PI4KB: variants seen among roughly 807,000 people sequenced by gnomAD.
PI4KB encodes PtdIns 4-kinase beta.
A neutral mutation model predicts 81.4 loss-of-function variants in PI4KB; 23 were observed. The ratio of observed to expected loss-of-function variants is 0.28; its 90% confidence interval spans 0.20 to 0.40. The LOEUF is 0.40. Among genes scored for constraint, PI4KB ranks in the 10% least tolerant of loss-of-function variants. The probability of loss-of-function intolerance (pLI) is 1.00; values close to 1 mark genes in which losing one functional copy is unlikely to be tolerated. For missense variants in PI4KB, 651 were observed against 1,036.6 expected (o/e 0.63, Z 5.11); for synonymous variants, 381 against 406.8 (o/e 0.94, Z 0.76).
intron 4 of PI4KB, 69 bp from the exon 5 acceptor site, chr1:151,306,432 G>T: frequency 1.0e-6 from 1 of 988,154 alleles, no homozygotes; most frequent in Non-Finnish European, 1.6e-6. Context: ...AACTCTGTTA[G>T]CAAGGTTCTT....
intron 1 of PI4KB, among the ~76,000 whole-genome samples, chr1:151,326,910 T>TGGGGCA (rs1297998410): frequency 2.0e-5 from 3 of 151,944 alleles, no homozygotes; most frequent in African/African-American, 4.8e-5. Context: ...GGAAAAGGTT[T>TGGGGCA]GGGGCAGGGG....
intron 1 of PI4KB, among the ~76,000 whole-genome samples, chr1:151,322,214 G>C (rs1648955053): frequency 1.3e-5 from 2 of 152,150 alleles, no homozygotes; most frequent in African/African-American, 4.8e-5. Flanking sequence ...GAGTTCCACA[G>C]CTCCCAACTG....
chr1:151,315,666 G>T lies in PI4KB; in HGVS notation c.816C>A (p.His272Gln). 6.2e-7 allele frequency: 1 copy of T among 1,614,090 alleles called. No individual in the cohort carries two copies. The highest frequency in any genetic ancestry group is 8.5e-7 in the Non-Finnish European group (1 of 1,179,978). The stretch of plus-strand genomic sequence containing the variant: ...CAGTGGCATCTGACTTAGAGCGCTG[G>T]TGAGTCCTTTTGGAGGGAGACAGCC... ...DTGLSPSKRTHQRSKSDATAS... is the reference protein window; with the variant it reads ...DTGLSPSKRTQQRSKSDATAS... Residue 272 changes from histidine to glutamine, a missense_variant, in exon 2 of 12, where the codon CAC becomes CAA. This residue lies in a region of PI4KB where 314 missense variants were observed against 397.8 expected (regional missense o/e 0.79). Transcript: ENST00000368873.
In PI4KB at chr1:151,315,966, C is replaced by A; in HGVS notation, c.516G>T (p.Val172=). ...NRLFCFRNED[V]DFYLPQLLNM... Reference sequence around the variant, plus strand: ...TAAGCAACTGGGGCAGATAGAAGTCCACGTCCTCGTTGCGAAAGCAGAAGA... The same window carrying A: ...TAAGCAACTGGGGCAGATAGAAGTCAACGTCCTCGTTGCGAAAGCAGAAGA... The change falls in exon 2 of 12, where the codon GTG becomes GTT. Residue 172 remains valine (V), a synonymous_variant. Transcript: ENST00000368873. The A allele has an allele frequency of 6.2e-7, 1 of 1,612,920 alleles. No homozygotes were observed. The highest frequency in any genetic ancestry group is 8.5e-7 in the Non-Finnish European group (1 of 1,179,090).
intron 2 of PI4KB, among the ~76,000 whole-genome samples, chr1:151,315,123 C>T (rs1393670993): frequency 8.5e-5 from 13 of 152,134 alleles, no homozygotes; most frequent in South Asian, 4.1e-4. Context: ...GGATTACACG[C>T]GCCCACCACC....
chr1:151,315,954 C>A lies in PI4KB; in HGVS notation c.528G>T (p.Leu176=), dbSNP rs370787419. The change falls in exon 2 of 12, where the codon CTG becomes CTT. Residue 176 remains leucine, a synonymous_variant. Transcript: ENST00000368873. The part of the protein sequence containing the change: ...CFRNEDVDFY[L]PQLLNMYIHM... ...GGATGTACATGTTAAGCAACTGGGG[C>A]AGATAGAAGTCCACGTCCTCGTTGC... The A allele has an allele frequency of 4.3e-5, 69 of 1,612,796 alleles. No individual in the cohort carries two copies. The highest frequency in any genetic ancestry group is 1.8e-4 in the Admixed American group (11 of 59,924).
chr1:151,302,719 A>G (rs1392094747), intron 6 of PI4KB, among the ~76,000 whole-genome samples: 3 of 149,992 alleles, frequency 2.0e-5, no homozygotes, highest in African/African-American at 7.4e-5. Flanking sequence ...CTGGGACTAC[A>G]GGCGCCCACC....
chr1:151,311,096 G>A (rs1334084358), intron 2 of PI4KB, among the ~76,000 whole-genome samples: 1 of 152,176 alleles, frequency 6.6e-6, no homozygotes, highest in African/African-American at 2.4e-5. Flanking sequence ...CCATTGCTGT[G>A]TCATATGTGT....
intron 1 of PI4KB, among the ~76,000 whole-genome samples, chr1:151,317,946 C>T (rs940937819): frequency 2.6e-5 from 4 of 151,682 alleles, no homozygotes; most frequent in African/African-American, 9.7e-5. Flanking sequence ...GTAGCTAGGA[C>T]TTTAGGTGTG....
intron 6 of PI4KB, 121 bp from the exon 7 acceptor site, chr1:151,302,419 G>T: frequency 1.5e-6 from 1 of 684,874 alleles, no homozygotes; most frequent in Non-Finnish European, 2.6e-6. Context: ...AGGAACCCAG[G>T]CTGAAAGGGA....
At chr1:151,311,084 C>T (rs1235646700) in intron 2 of PI4KB, among the ~76,000 whole-genome samples, 1 of 152,168 alleles carries the variant, frequency 6.6e-6, no homozygotes, top group Non-Finnish European at 1.5e-5. Flanking sequence ...CTAAACATCA[C>T]CCCATTGCTG....
chr1:151,304,786 C>T (rs1695610577), intron 5 of PI4KB, among the ~76,000 whole-genome samples: 1 of 151,794 alleles, frequency 6.6e-6, no homozygotes. Flanking sequence ...AATCACTTGC[C>T]TCCCGAGTAG....
In PI4KB at chr1:151,293,048, C is replaced by A. The variant is rs747571166; in HGVS notation, c.2270-15G>T. ...AAGCTGAGAACCTGGGGGAAGCAGT[C>A]GGAGTTCAGGGTCATGGATGGACGG... On this transcript the variant is annotated splice_polypyrimidine_tract_variant and intron_variant, in intron 11 of 11. Coordinates refer to ENST00000368873, the MANE Select transcript of PI4KB (RefSeq NM_001369623.2). 1.9e-6 allele frequency: 3 copies of A among 1,612,990 alleles called. No homozygotes were observed. Among genetic ancestry groups the A allele is most frequent in the Admixed American group, 1.7e-5 (1 of 59,940 alleles).
At chr1:151,299,180 C>T (rs773451276) in intron 8 of PI4KB, 107 bp from the exon 9 acceptor site, 8 of 1,034,336 alleles carry the variant, frequency 7.7e-6, no homozygotes, top group Non-Finnish European at 1.2e-5. Context: ...GCATTGAATT[C>T]TAAGCCATCA....
chr1:151,294,117 C>T lies in PI4KB; in HGVS notation c.2170G>A (p.Asp724Asn). 3 of 1,613,640 alleles carry T rather than the reference C, an allele frequency of 1.9e-6. No individual in the cohort carries two copies. The highest frequency in any genetic ancestry group is 1.7e-6 in the Non-Finnish European group (2 of 1,179,792). ...AGCATCTTATAGTAGTTGAACATGT[C>T]GCCATCCAGGCCGCCCATCACCTGG... ...FVDVMGGLDG[D>N]MFNYYKMLML... The change falls in exon 11 of 12, where the codon GAC (aspartate) becomes AAC (asparagine). Residue 724 changes from aspartate (D) to asparagine (N), a missense_variant. Transcript: ENST00000368873.
rs2101934401 is a variant in PI4KB at position 151,301,853 on chromosome 1, C to T, written c.1740G>A (p.Lys580=). 6.2e-7 allele frequency: 1 copy of T among 1,614,008 alleles called. No homozygotes were observed. The highest frequency in any genetic ancestry group is 2.2e-5 in the East Asian group (1 of 44,890). The change falls in exon 8 of 12, where the codon AAG becomes AAA. Residue 580 remains lysine (K), a synonymous_variant. Transcript: ENST00000368873. The part of the protein sequence containing the change: ...RQELLAFQVL[K]QLQSIWEQER... ...CCTTCTCTTCTCTTACCTGCAGTTG[C>T]TTCAACACCTGAAAGGCCAGAAGCT... is the stretch of plus-strand genomic sequence containing the variant.
rs1223195328 is a variant in PI4KB at position 151,291,897 on chromosome 1, G to C, written c.*955C>G. ...CAGACCATTAAAACTGTTTGTGGTC[G>C]AATCTCCATTCAGGCCTCTCTTTTT... On this transcript the variant is annotated 3_prime_UTR_variant, in exon 12 of 12. Transcript: ENST00000368873. 6.6e-6 allele frequency: 1 copy of C among 152,332 alleles called. No homozygotes were observed. The highest frequency in any genetic ancestry group is 1.5e-5 in the Non-Finnish European group (1 of 68,032). 9.4% of individuals were successfully genotyped at this position (152,332 alleles called of 1,614,324 possible). A position where few individuals can be genotyped will look rare whatever the true frequency, so the allele number is the denominator to read the frequency against.
In PI4KB at chr1:151,292,972, G is replaced by A; in HGVS notation, c.2331C>T (p.His777=). 3 of 1,614,196 alleles carry A rather than the reference G, an allele frequency of 1.9e-6. No homozygotes were observed. Among genetic ancestry groups the A allele is most frequent in the Non-Finnish European group, 2.5e-6 (3 of 1,180,034 alleles). ...GCAGCTGCTCCTCAGTCATGCTCAT[G>A]TGGAACCTCTCTTTGAGGTTTCGAA... ...STIRNLKERF[H]MSMTEEQLQL... The change falls in exon 12 of 12, where the codon CAC becomes CAT. Residue 777 remains histidine (H), a synonymous_variant. Coordinates refer to ENST00000368873, the MANE Select transcript of PI4KB (RefSeq NM_001369623.2).
intron 1 of PI4KB, among the ~76,000 whole-genome samples, chr1:151,325,578 T>A (rs1183364384): frequency 6.6e-6 from 1 of 152,118 alleles, no homozygotes; most frequent in East Asian, 1.9e-4. Context: ...ATGGATCAAG[T>A]ACGTGAGGAA....
Sources: allele counts gnomAD v4.1 joint callset (sites outside exome capture counted in the v4.1 genomes callset), GRCh38; gene constraint gnomAD v4.1.1; regional missense constraint gnomAD v4.1.1; transcripts MANE v1.5; gene names NCBI Gene and HGNC (gene_info 2026-07-23, HGNC 2026-07-21).